Variants in FRMD4A observed in about 807,000 individuals in gnomAD.
FRMD4A encodes FERM domain-containing protein 4A.
FRMD4A carries 29 observed loss-of-function variants against 129.1 expected under a neutral mutation model. The ratio of observed to expected loss-of-function variants is 0.22; its 90% CI spans 0.17 to 0.31. The LOEUF is 0.31. Ranked by LOEUF, FRMD4A falls within the 10% of genes least tolerant of loss-of-function variation. The probability of loss-of-function intolerance (pLI) is 1.00; values close to 1 mark genes in which losing one functional copy is unlikely to be tolerated. For synonymous variants in FRMD4A, 634 were observed against 571.6 expected, an observed-to-expected ratio of 1.11 and a Z score of -1.56; for missense variants, 1,272 against 1,375.8, an observed-to-expected ratio of 0.92 and a Z score of 1.19.
intron 3 of FRMD4A, among the ~76,000 whole-genome samples, chr10:13,833,185 G>C (rs1403815511): frequency 6.6e-6 from 1 of 152,030 alleles, no homozygotes; most frequent in Non-Finnish European, 1.5e-5. Context: ...CCTGAGACTG[G>C]GTAATTTATA....
At chr10:14,227,899 G>C (rs549389020) in intron 2 of FRMD4A, among the ~76,000 whole-genome samples, 1 of 151,768 alleles carries the variant, frequency 6.6e-6, no homozygotes, top group Non-Finnish European at 1.5e-5. Context: ...TCTTTTAACG[G>C]AGTCTTGCTC....
intron 2 of FRMD4A, among the ~76,000 whole-genome samples, chr10:14,129,315 T>A (rs895055088): frequency 4.8e-5 from 7 of 146,108 alleles, no homozygotes; most frequent in African/African-American, 5.0e-5. Flanking sequence ...AAAAAATCGC[T>A]CTGAGAGCCT....
In FRMD4A at chr10:13,876,500, T is replaced by C. The variant is rs532886066; in HGVS notation, c.46-17588A>G. Among the ~76,000 whole-genome samples, 35 of 152,276 alleles carry C rather than the reference T, an allele frequency of 2.3e-4. No homozygotes were observed. In the East Asian group the frequency reaches 6.8e-3, roughly 29 times the overall value. On this transcript the variant is annotated intron_variant, in intron 2 of 24. Transcript: ENST00000357447. ...TGTGCAGAAGAGTTACCGGCATCTG[T>C]TGCTGGTTTGGTAGAGAATTCACGT...
chr10:13,651,926 A>C lies in FRMD4A; in HGVS notation c.3099T>G (p.Pro1033=). 1 of 1,587,908 alleles carries C rather than the reference A, an allele frequency of 6.3e-7. No individual in the cohort carries two copies. The change falls in exon 24 of 25, where the codon CCT becomes CCG. Residue 1033 remains proline, a synonymous_variant. Coordinates refer to ENST00000357447, the MANE Select transcript of FRMD4A (RefSeq NM_018027.5). ...SPILDGSESP[P]HQSTDE is the part of the protein sequence containing the mutation. ...ACCTCTATTCATCAGTACTTTGGTG[A>C]GGTGGAGACTCAGACCCATCCAGAA...
chr10:14,029,028 G>A (rs1042913337), intron 2 of FRMD4A, among the ~76,000 whole-genome samples: 1 of 152,208 alleles, frequency 6.6e-6, no homozygotes, highest in African/African-American at 2.4e-5. Context: ...GGGGCTGGCC[G>A]GTTGAGAATA....
At chr10:14,168,887 C>G (rs1426799102) in intron 2 of FRMD4A, among the ~76,000 whole-genome samples, 1 of 152,194 alleles carries the variant, frequency 6.6e-6, no homozygotes, top group Non-Finnish European at 1.5e-5. Context: ...GTGCCTCTCA[C>G]ATTTCCTTTT....
chr10:14,007,921 T>G, intron 2 of FRMD4A: 771 of 969,068 alleles, frequency 8.0e-4, no homozygotes, highest in Non-Finnish European at 9.4e-4. Flanking sequence ...AAATTACAGA[T>G]GAGATAGTAT....
At chr10:14,057,778 C>G (rs1009287869) in intron 2 of FRMD4A, among the ~76,000 whole-genome samples, 38 of 152,176 alleles carry the variant, frequency 2.5e-4, no homozygotes, top group African/African-American at 8.9e-4. Flanking sequence ...CCATGTTGGT[C>G]AGGCTGGTCT....
At chr10:14,148,042 A>T (rs1241896043) in intron 2 of FRMD4A, among the ~76,000 whole-genome samples, 1 of 152,162 alleles carries the variant, frequency 6.6e-6, no homozygotes, top group East Asian at 1.9e-4. Context: ...TGGGACGATA[A>T]ACTCAGTAAT....
At position 13,937,951 on chromosome 10, in the gene FRMD4A, G is replaced by T. The variant is rs149478587; in HGVS notation, c.46-79039C>A. On this transcript the variant is annotated intron_variant, in intron 2 of 24. Coordinates refer to ENST00000357447, the MANE Select transcript of FRMD4A (RefSeq NM_018027.5). ...TAAAGAAGGAAAATAAACTTCTTGT[G>T]AAAAAATTTACTTTTCCTTTGTATT... 2.1e-3 allele frequency among the ~76,000 whole-genome samples: 318 copies of T among 152,234 alleles called. 1 individual carries two copies. The highest frequency in any genetic ancestry group is 7.3e-3 in the African/African-American group (303 of 41,546).
intron 2 of FRMD4A, among the ~76,000 whole-genome samples, chr10:14,085,188 T>A (rs1437847620): frequency 6.6e-6 from 1 of 152,204 alleles, no homozygotes. Flanking sequence ...TGTGCCATCG[T>A]AGACGCATGG....
chr10:14,049,022 A>T (rs1487891417), intron 2 of FRMD4A, among the ~76,000 whole-genome samples: 1 of 152,204 alleles, frequency 6.6e-6, no homozygotes, highest in Non-Finnish European at 1.5e-5. Context: ...GATTGCAGCC[A>T]CCAGAGTTCT....
Position 13,657,253 on chromosome 10 carries a change from G to T in FRMD4A, c.2336C>A (p.Ala779Glu), listed in dbSNP as rs139853925. 1.1e-4 allele frequency: 171 copies of T among 1,595,286 alleles called. 1 individual carries two copies. The Admixed American group carries it at 1.1e-3, about 10-fold the overall frequency. Residue 779 changes from alanine (A) to glutamate (E), a missense_variant, in exon 22 of 25, where the codon GCG becomes GAG. This residue lies in a region of FRMD4A where 972 missense variants were observed against 892.3 expected (regional missense o/e 1.09). Coordinates refer to ENST00000357447, the MANE Select transcript of FRMD4A (RefSeq NM_018027.5). The part of the protein sequence containing the change: ...STLAEDSPSK[A>E]RQRQRQRQRA... Reference sequence around the variant, plus strand: ...CTGCCGCTGCCTCTGCCTCTGGCGCGCCTTGGACGGCGAGTCCTCGGCCAG... The same window carrying T: ...CTGCCGCTGCCTCTGCCTCTGGCGCTCCTTGGACGGCGAGTCCTCGGCCAG...
At chr10:14,031,043 A>C (rs564430185) in intron 2 of FRMD4A, among the ~76,000 whole-genome samples, 2 of 151,994 alleles carry the variant, frequency 1.3e-5, no homozygotes, top group East Asian at 3.9e-4. Context: ...AAACATAATA[A>C]CTCATCTTTT....
At chr10:13,720,765 G>A (rs1443433538) in intron 12 of FRMD4A, among the ~76,000 whole-genome samples, 1 of 152,206 alleles carries the variant, frequency 6.6e-6, no homozygotes, top group Non-Finnish European at 1.5e-5. Context: ...AAGCTGGGCA[G>A]CTATGTGAGG....
At chr10:13,737,805 T>A (rs1487503410) in intron 12 of FRMD4A, 39 bp downstream of exon 12, 3 of 1,083,452 alleles carry the variant, frequency 2.8e-6, no homozygotes. Context: ...CCTCTCTGGA[T>A]CTGAGAGGAG....
At chr10:13,857,760 G>C (rs1267684740) in intron 3 of FRMD4A, among the ~76,000 whole-genome samples, 2 of 152,182 alleles carry the variant, frequency 1.3e-5, no homozygotes, top group East Asian at 3.8e-4. Flanking sequence ...CAATGCTCTA[G>C]GACTTGGAGA....
chr10:14,037,200 A>G (rs904764939), intron 2 of FRMD4A, among the ~76,000 whole-genome samples: 1 of 152,042 alleles, frequency 6.6e-6, no homozygotes, highest in Non-Finnish European at 1.5e-5. Flanking sequence ...ATACTTTACA[A>G]CTATAAATTG....
intron 2 of FRMD4A, among the ~76,000 whole-genome samples, chr10:14,029,335 T>G (rs1320061604): frequency 6.6e-6 from 1 of 152,036 alleles, no homozygotes; most frequent in Non-Finnish European, 1.5e-5. Flanking sequence ...AGGGAAACGG[T>G]GGGCAGATCG....
Sources: allele counts gnomAD v4.1 joint callset (sites outside exome capture counted in the v4.1 genomes callset), GRCh38; gene constraint gnomAD v4.1.1; regional missense constraint gnomAD v4.1.1; transcripts MANE v1.5; gene names NCBI Gene and HGNC (gene_info 2026-07-23, HGNC 2026-07-21).